FOXK2: variants seen among roughly 807,000 people sequenced by gnomAD.
The protein encoded by FOXK2 is forkhead box K2.
Under a neutral mutation model 53.3 loss-of-function variants are expected in FOXK2, and 24 were observed. The observed-to-expected ratio is 0.45, with a 90% confidence interval of 0.33 to 0.63. The LOEUF is 0.63. FOXK2 is among the 30% of genes least tolerant of loss of function. The probability of loss-of-function intolerance (pLI) is 0.03; values close to 1 mark genes in which losing one functional copy is unlikely to be tolerated. For missense variants in FOXK2, 952 were observed against 910.5 expected (o/e 1.05, Z -0.59); for synonymous variants, 505 against 407.1 (o/e 1.24, Z -2.89).
At chr17:82,539,588 G>A (rs191470251) in intron 1 of FOXK2, among the ~76,000 whole-genome samples, 1 of 152,128 alleles carries the variant, frequency 6.6e-6, no homozygotes, top group East Asian at 1.9e-4. Context: ...AGTCAAGGCT[G>A]TAGTGAGCCA....
rs2045421472 is a variant in FOXK2 at position 82,604,266 on chromosome 17, G to A, written c.*2767G>A. On this transcript the variant is annotated 3_prime_UTR_variant, in exon 9 of 9. Coordinates refer to ENST00000335255, the MANE Select transcript of FOXK2 (RefSeq NM_004514.4). ...TCCCGTATGACCCACGTCACGTGGT[G>A]CACTCAGAGTGTGTGCGGCATGATC... 2 of 151,098 alleles carry A rather than the reference G, an allele frequency of 1.3e-5. No homozygotes were observed. Among genetic ancestry groups the A allele is most frequent in the Non-Finnish European group, 2.9e-5 (2 of 68,074 alleles). The allele number at this position is 151,098 out of a possible 1,614,324, so 9.4% of individuals were successfully genotyped here.
At chr17:82,533,099 G>C (rs900650065) in intron 1 of FOXK2, among the ~76,000 whole-genome samples, 2 of 152,170 alleles carry the variant, frequency 1.3e-5, no homozygotes, top group Non-Finnish European at 2.9e-5. Context: ...GGTGATAACG[G>C]CTTCTTCTGG....
chr17:82,545,456 C>T (rs1312939457), intron 1 of FOXK2, among the ~76,000 whole-genome samples: 1 of 151,992 alleles, frequency 6.6e-6, no homozygotes, highest in Non-Finnish European at 1.5e-5. Context: ...AAAGTAGTAA[C>T]GTGGATATAC....
chr17:82,587,481 A>T (rs1160298658), intron 8 of FOXK2: 2 of 590,496 alleles, frequency 3.4e-6, no homozygotes, highest in Non-Finnish European at 6.1e-6. Flanking sequence ...CTGCCTGAAA[A>T]GAGATGAGAG....
At chr17:82,587,670 C>G (rs1051100515) in intron 8 of FOXK2, 9 of 303,996 alleles carry the variant, frequency 3.0e-5, no homozygotes, top group Admixed American at 8.9e-5. Flanking sequence ...TTTCTGTGCG[C>G]TTTGCTCTCA....
intron 8 of FOXK2, among the ~76,000 whole-genome samples, chr17:82,590,315 T>C (rs1401372943): frequency 6.6e-6 from 1 of 152,158 alleles, no homozygotes. Context: ...TTTTGGCCTC[T>C]TGTAGTCTTT....
At chr17:82,554,996 G>A (rs533784082) in intron 1 of FOXK2, among the ~76,000 whole-genome samples, 195 of 152,128 alleles carry the variant, frequency 1.3e-3, no homozygotes, top group African/African-American at 4.5e-3. Flanking sequence ...TGATCTGCCC[G>A]CCTCGGCCTC....
intron 1 of FOXK2, among the ~76,000 whole-genome samples, chr17:82,526,528 C>G (rs1291493959): frequency 6.6e-6 from 1 of 152,040 alleles, no homozygotes; most frequent in Non-Finnish European, 1.5e-5. Flanking sequence ...GCTGAAGGAA[C>G]CACCAAGAAA....
At chr17:82,546,260 G>A (rs1283201442) in intron 1 of FOXK2, among the ~76,000 whole-genome samples, 1 of 151,700 alleles carries the variant, frequency 6.6e-6, no homozygotes, top group Non-Finnish European at 1.5e-5. Flanking sequence ...GGGATTACAG[G>A]TGCCTGCCAC....
In FOXK2 at chr17:82,528,890, G is replaced by A. The variant is rs117696913; in HGVS notation, c.419+8583G>A. Among the ~76,000 whole-genome samples the A allele has an allele frequency of 5.5e-3, 841 of 152,340 alleles. 7 individuals carry two copies. Among genetic ancestry groups the A allele is most frequent in the Non-Finnish European group, 8.9e-3 (606 of 68,036 alleles). On this transcript the variant is annotated intron_variant, in intron 1 of 8. Transcript: ENST00000335255. ...TGTCCTGTGAAGGGCATTGGAGTAC[G>A]ACACCGGGGTGAGTCTGCCTCCTTC...
intron 8 of FOXK2, among the ~76,000 whole-genome samples, chr17:82,591,605 A>G (rs1273334480): frequency 2.0e-5 from 3 of 152,108 alleles, no homozygotes; most frequent in East Asian, 3.9e-4. Flanking sequence ...TTTTGAGTAC[A>G]TGGAAAGGAA....
chr17:82,522,171 G>A (rs1336169999), intron 1 of FOXK2, among the ~76,000 whole-genome samples: 1 of 151,052 alleles, frequency 6.6e-6, no homozygotes, highest in Non-Finnish European at 1.5e-5. Context: ...GACCTAGCCT[G>A]GAGTGTACTG....
chr17:82,548,218 A>G (rs963184562), intron 1 of FOXK2, among the ~76,000 whole-genome samples: 5 of 152,350 alleles, frequency 3.3e-5, no homozygotes, highest in Admixed American at 6.5e-5. Context: ...CCACTTTTCC[A>G]GAGCAGTTGC....
rs1598246736 is a variant in FOXK2, at chr17:82,603,092, T to G, written c.*1593T>G. ...CCCTCAGCATGGGGCTGGGGCAGCGTCACTGCGGTGACGCCCATTGAAAGG... is the reference window on the plus strand; with the variant it reads ...CCCTCAGCATGGGGCTGGGGCAGCGGCACTGCGGTGACGCCCATTGAAAGG... On this transcript the variant is annotated 3_prime_UTR_variant, in exon 9 of 9. Transcript: ENST00000335255. 6.6e-6 allele frequency: 1 copy of G among 152,592 alleles called. No individual in the cohort carries two copies. Among genetic ancestry groups the G allele is most frequent in the South Asian group, 2.1e-4 (1 of 4,836 alleles). The allele number at this position is 152,592 out of a possible 1,614,324, so 9.5% of individuals were successfully genotyped here. A position where few individuals can be genotyped will look rare whatever the true frequency, so the allele number is the denominator to read the frequency against.
intron 8 of FOXK2, among the ~76,000 whole-genome samples, chr17:82,592,112 C>T (rs1398352160): frequency 6.6e-6 from 1 of 152,206 alleles, no homozygotes; most frequent in African/African-American, 2.4e-5. Flanking sequence ...ACTATGTTGC[C>T]CAGGCTGGTT....
intron 6 of FOXK2, among the ~76,000 whole-genome samples, chr17:82,584,883 A>G (rs1055173195): frequency 1.3e-5 from 2 of 152,226 alleles, no homozygotes; most frequent in Non-Finnish European, 2.9e-5. Context: ...TAGGTAAAAC[A>G]GTTTGCAGTT....
In FOXK2 at chr17:82,533,172, C is replaced by T. The variant is rs183411958; in HGVS notation, c.419+12865C>T. ...TTAACTTTTTAAAAATAAGTAGAAG[C>T]AGTATACTCTAAATTAACGATAAAA... On this transcript the variant is annotated intron_variant, in intron 1 of 8. Transcript: ENST00000335255. Among the ~76,000 whole-genome samples, 221 of 152,288 alleles carry T rather than the reference C, an allele frequency of 1.5e-3. 1 individual carries two copies. The highest frequency in any genetic ancestry group is 5.1e-3 in the African/African-American group (214 of 41,558).
chr17:82,594,543 T>C (rs1005360637), intron 8 of FOXK2, among the ~76,000 whole-genome samples: 1 of 150,078 alleles, frequency 6.7e-6, no homozygotes, highest in East Asian at 1.9e-4. Flanking sequence ...TTTGAAAATA[T>C]TGGAATTTAT....
chr17:82,545,205 T>G (rs2044613324), intron 1 of FOXK2, among the ~76,000 whole-genome samples: 2 of 152,262 alleles, frequency 1.3e-5, no homozygotes, highest in South Asian at 2.1e-4. Flanking sequence ...GTACGGTCTG[T>G]TCTAGTGAAG....
Sources: allele counts gnomAD v4.1 joint callset (sites outside exome capture counted in the v4.1 genomes callset), GRCh38; gene constraint gnomAD v4.1.1; transcripts MANE v1.5; gene names NCBI Gene and HGNC (gene_info 2026-07-23, HGNC 2026-07-21).